PLAU: variants seen among roughly 807,000 people sequenced by gnomAD.
PLAU encodes urokinase-type plasminogen activator.
In PLAU, 32 loss-of-function variants were observed where a neutral mutation model predicts 48.9. That is an observed-to-expected ratio of 0.65 (90% CI 0.49 to 0.88). PLAU has a LOEUF of 0.88. PLAU is among the 40% of genes least tolerant of loss of function. The pLI is 0.00. For synonymous variants in PLAU, 199 were observed against 205.7 expected (o/e 0.97, Z 0.28); for missense variants, 455 against 545.2 (o/e 0.83, Z 1.65).
chr10:73,911,803 A>C, intron 2 of PLAU, 191 bp downstream of exon 2: 3 of 1,551,642 alleles, frequency 1.9e-6, no homozygotes, highest in Non-Finnish European at 2.6e-6. Flanking sequence ...CTGGCAAGGG[A>C]GGAAGAGGCC....
chr10:73,913,312 C>A lies in PLAU; in HGVS notation c.391C>A (p.Pro131Thr), dbSNP rs1293797041. The A allele has an allele frequency of 6.2e-7, 1 of 1,614,072 alleles. No individual in the cohort carries two copies. The highest frequency in any genetic ancestry group is 1.3e-5 in the African/African-American group (1 of 74,934). The change falls in exon 6 of 11, where the codon CCC becomes ACC. Residue 131 changes from proline to threonine, a missense_variant. Pro to Thr is a conservative substitution (Grantham distance 38). Transcript: ENST00000372764. The part of the protein sequence containing the change: ...YCRNPDNRRR[P>T]WCYVQVGLKL... ...CAGGAACCCAGACAACCGGAGGCGA[C>A]CCTGGTGCTATGTGCAGGTGGGCCT...
At chr10:73,909,979 G>A (rs2096121024), upstream of PLAU, 1 of 152,152 alleles carries the variant, frequency 6.6e-6, no homozygotes, top group African/African-American at 2.4e-5. Flanking sequence ...TGTTTTTCTG[G>A]AGGACAATTT....
chr10:73,913,264 C>CA, intron 5 of PLAU, 26 bp from the exon 6 acceptor site: 1 of 1,611,468 alleles, frequency 6.2e-7, no homozygotes, highest in Non-Finnish European at 8.5e-7. Context: ...GTTGGAATGA[C>CA]ATCCCCTATC....
rs546637178 is a variant in PLAU, at chr10:73,913,323, T to C, written c.402T>C (p.Tyr134=). The C allele has an allele frequency of 5.6e-5, 91 of 1,614,100 alleles. No individual in the cohort carries two copies. Among genetic ancestry groups the C allele is most frequent in the Non-Finnish European group, 7.4e-5 (87 of 1,180,042 alleles). ...NPDNRRRPWC[Y]VQVGLKLLVQ... ...ACAACCGGAGGCGACCCTGGTGCTATGTGCAGGTGGGCCTAAAGCTGCTTG... is the reference window on the plus strand; with the variant it reads ...ACAACCGGAGGCGACCCTGGTGCTACGTGCAGGTGGGCCTAAAGCTGCTTG... Residue 134 remains tyrosine, a synonymous_variant, in exon 6 of 11, where the codon TAT becomes TAC. Transcript: ENST00000372764.
At chr10:73,912,658 C>G (rs2096126912) in intron 4 of PLAU, among the ~76,000 whole-genome samples, 2 of 152,090 alleles carry the variant, frequency 1.3e-5, no homozygotes, top group African/African-American at 4.8e-5. Context: ...CAAGACCAGC[C>G]TGGACAACAT....
rs377124818 is a variant in PLAU at position 73,912,027 on chromosome 10, C to T, written c.58-14C>T. The T allele has an allele frequency of 1.6e-5, 26 of 1,613,302 alleles. No homozygotes were observed. The highest frequency in any genetic ancestry group is 1.9e-5 in the Non-Finnish European group (22 of 1,179,586). ...TGGGACCTTTGATGAAGCCTCCTCC[C>T]GAATCTCTTCCAGGGCAGCAATGAA... On this transcript the variant is annotated splice_polypyrimidine_tract_variant and intron_variant, in intron 2 of 10. Transcript: ENST00000372764.
Position 73,914,990 on chromosome 10 carries a change from A to T in PLAU, c.970+74A>T, listed in dbSNP as rs1050491279. 4.7e-6 allele frequency: 7 copies of T among 1,496,848 alleles called. No homozygotes were observed. The African/African-American group carries it at 9.6e-5, about 21-fold the overall frequency. 92.7% of individuals were successfully genotyped at this position (1,496,848 alleles called of 1,614,324 possible). A position where few individuals can be genotyped will look rare whatever the true frequency, so the allele number is the denominator to read the frequency against. ...CCTGAAAATGAGCCCAGCGTGATCAAGGGAAGACTGCAGAGTTAGAGGTGG... is the reference window on the plus strand; with the variant it reads ...CCTGAAAATGAGCCCAGCGTGATCATGGGAAGACTGCAGAGTTAGAGGTGG... On this transcript the variant is annotated intron_variant, in intron 9 of 10. Coordinates refer to ENST00000372764, the MANE Select transcript of PLAU (RefSeq NM_002658.6).
chr10:73,913,904 G>C (rs962488539), intron 7 of PLAU, 76 bp from the exon 8 acceptor site: 6 of 1,486,848 alleles, frequency 4.0e-6, no homozygotes, highest in Non-Finnish European at 5.6e-6. Context: ...GTCGTGCTTT[G>C]AGGCCTCTAG....
chr10:73,911,078 G>C (rs1044033457), upstream of PLAU: 7 of 161,946 alleles, frequency 4.3e-5, no homozygotes, highest in Non-Finnish European at 1.3e-5. Flanking sequence ...GCGGGAGAGG[G>C]AGGGGCGGCG....
chr10:73,914,508 G>A (rs1262145008), intron 8 of PLAU, among the ~76,000 whole-genome samples: 1 of 152,206 alleles, frequency 6.6e-6, no homozygotes, highest in Non-Finnish European at 1.5e-5. Context: ...ATGGATTCCA[G>A]CCTAACTACC....
chr10:73,911,050 G>T (rs757953512), upstream of PLAU: 1 of 160,228 alleles, frequency 6.2e-6, no homozygotes, highest in Non-Finnish European at 1.4e-5. Context: ...AGCGCTGCAA[G>T]ACAGGGGAGG....
Position 73,916,442 on chromosome 10 carries a change from T to C in PLAU, c.1173T>C (p.Thr391=), listed in dbSNP as rs2096137133. Reference sequence around the variant, plus strand: ...CCCTCCAAGGCCGCATGACTTTGACTGGAATTGTGAGCTGGGGCCGTGGAT... The same window carrying C: ...CCCTCCAAGGCCGCATGACTTTGACCGGAATTGTGAGCTGGGGCCGTGGAT... ...VCSLQGRMTL[T]GIVSWGRGCA... is the part of the protein sequence containing the mutation. Residue 391 remains threonine (T), a synonymous_variant, in exon 11 of 11, where the codon ACT becomes ACC. Transcript: ENST00000372764. 6.2e-7 allele frequency: 1 copy of C among 1,613,828 alleles called. No individual in the cohort carries two copies. The highest frequency in any genetic ancestry group is 2.2e-5 in the East Asian group (1 of 44,868).
chr10:73,911,290 C>G (rs1057402881), intron 1 of PLAU, 72 bp downstream of exon 1: 2 of 540,986 alleles, frequency 3.7e-6, no homozygotes, highest in Admixed American at 3.6e-5. Context: ...CTGCCTCCCC[C>G]GCCCTGGGCT....
intron 2 of PLAU, 106 bp from the exon 3 acceptor site, chr10:73,911,935 G>C (rs2096125287): frequency 6.2e-7 from 1 of 1,610,006 alleles, no homozygotes; most frequent in Non-Finnish European, 8.5e-7. Flanking sequence ...GGTGAGGCGA[G>C]AGGGAGAGGG....
intron 8 of PLAU, 40 bp from the exon 9 acceptor site, chr10:73,914,736 A>G: frequency 6.3e-7 from 1 of 1,598,384 alleles, no homozygotes; most frequent in South Asian, 1.1e-5. Context: ...CCGCCTAACC[A>G]GTAGTGATCT....
intron 8 of PLAU, among the ~76,000 whole-genome samples, chr10:73,914,433 C>T (rs1434384273): frequency 6.6e-6 from 1 of 152,200 alleles, no homozygotes; most frequent in Non-Finnish European, 1.5e-5. Context: ...AAAGACACAC[C>T]TTCCTTTGTG....
At position 73,912,999 on chromosome 10, in the gene PLAU, C is replaced by G; in HGVS notation, c.269C>G (p.Pro90Arg). Residue 90 changes from proline to arginine, a missense_variant, in exon 5 of 11, where the codon CCC becomes CGC. Transcript: ENST00000372764. Reference sequence around the variant, plus strand: ...GCCAGCACTGACACCATGGGCCGGCCCTGCCTGCCCTGGAACTCTGCCACT... The same window carrying G: ...GCCAGCACTGACACCATGGGCCGGCGCTGCCTGCCCTGGAACTCTGCCACT... ...GKASTDTMGRPCLPWNSATVL... is the reference protein window; with the variant it reads ...GKASTDTMGRRCLPWNSATVL... The G allele has an allele frequency of 6.2e-7, 1 of 1,613,870 alleles. No individual in the cohort carries two copies. Among genetic ancestry groups the G allele is most frequent in the African/African-American group, 1.3e-5 (1 of 75,032 alleles).
chr10:73,909,053 G>A (rs1287870551), upstream of PLAU: 1 of 152,126 alleles, frequency 6.6e-6, no homozygotes, highest in Non-Finnish European at 1.5e-5. Context: ...GTTCTGTGAA[G>A]AGTTGAAGTG....
intron 10 of PLAU, 88 bp downstream of exon 10, chr10:73,915,487 C>T: frequency 1.6e-6 from 2 of 1,287,204 alleles, no homozygotes; most frequent in Non-Finnish European, 2.1e-6. Flanking sequence ...GTGTCTCTCT[C>T]TAGCCAAAGC....
Sources: gnomAD v4.1 joint callset for allele counts (sites outside exome capture counted in the v4.1 genomes callset) on GRCh38, gnomAD v4.1.1 for gene constraint, MANE v1.5 for transcripts, NCBI Gene and HGNC (gene_info 2026-07-23, HGNC 2026-07-21) for gene names.